Variants in PRUNE2 observed in about 807,000 individuals in gnomAD.
The protein encoded by PRUNE2 is prune homolog 2 with BCH domain, also known as protein prune homolog 2.
Under a neutral mutation model 252.0 loss-of-function variants are expected in PRUNE2, and 164 were observed. The observed-to-expected ratio is 0.65, with a 90% CI of 0.57 to 0.74. The LOEUF (loss-of-function observed/expected upper bound fraction) is 0.74. PRUNE2 is among the 30% of genes least tolerant of loss of function. PRUNE2 has a pLI of 0.00. For missense variants in PRUNE2, 3,495 were observed against 3,711.0 expected (o/e 0.94, Z 1.51); for synonymous variants, 1,292 against 1,350.2 (o/e 0.96, Z 0.94).
intron 4 of PRUNE2, among the ~76,000 whole-genome samples, chr9:76,833,704 G>C (rs1039695931): frequency 6.6e-6 from 1 of 151,488 alleles, no homozygotes; most frequent in African/African-American, 2.4e-5. Flanking sequence ...GGCGGAGCTT[G>C]CAGTGAGCCG....
At chr9:76,894,716 G>GAAAAAAAAAAAAAAAAAAAAAAAAAAAA (rs1170899729) in intron 1 of PRUNE2, among the ~76,000 whole-genome samples, 1 of 110,710 alleles carries the variant, frequency 9.0e-6, no homozygotes, top group African/African-American at 8.9e-5. Flanking sequence ...ATTTTCTGCA[G>GAAAAAAAAAAAAAAAAAAAAAAAAAAAA]CAAAAAAAAA....
intron 6 of PRUNE2, among the ~76,000 whole-genome samples, chr9:76,821,118 C>T (rs1186649657): frequency 1.3e-5 from 2 of 152,048 alleles, no homozygotes; most frequent in Non-Finnish European, 2.9e-5. Flanking sequence ...AAGTTGGTCA[C>T]CTAGACTACA....
At chr9:76,855,282 T>C (rs1450816161) in intron 1 of PRUNE2, among the ~76,000 whole-genome samples, 1 of 151,990 alleles carries the variant, frequency 6.6e-6, no homozygotes, top group African/African-American at 2.4e-5. Flanking sequence ...TTAACAACTT[T>C]ACGGTATGTC....
intron 4 of PRUNE2, among the ~76,000 whole-genome samples, chr9:76,843,497 T>C (rs552655114): frequency 2.1e-4 from 32 of 152,254 alleles, no homozygotes; most frequent in African/African-American, 7.5e-4. Flanking sequence ...AAAATGTGCA[T>C]CAAAGTGATG....
intron 6 of PRUNE2, among the ~76,000 whole-genome samples, chr9:76,821,468 T>C (rs2058035122): frequency 6.6e-6 from 1 of 152,164 alleles, no homozygotes; most frequent in Non-Finnish European, 1.5e-5. Context: ...GACATTAACT[T>C]GGGAATTTTT....
intron 6 of PRUNE2, among the ~76,000 whole-genome samples, chr9:76,724,224 T>C (rs1361976058): frequency 2.1e-5 from 3 of 144,358 alleles, no homozygotes; most frequent in African/African-American, 7.7e-5. Flanking sequence ...TTTGGGAGGC[T>C]GAGGCGGGCA....
chr9:76,619,255 C>T, intron 18 of PRUNE2, 85 bp downstream of exon 18: 1 of 877,926 alleles, frequency 1.1e-6, no homozygotes, highest in Non-Finnish European at 1.9e-6. Flanking sequence ...CAGGGTTTAC[C>T]CAGTCCTCAG....
intron 4 of PRUNE2, among the ~76,000 whole-genome samples, chr9:76,835,312 A>G (rs934238426): frequency 8.5e-5 from 13 of 152,098 alleles, no homozygotes; most frequent in African/African-American, 3.1e-4. Context: ...TTTCTTTTAC[A>G]TAGGATTGAT....
chr9:76,864,686 TAA>T (rs1236050459), intron 1 of PRUNE2, among the ~76,000 whole-genome samples: 1 of 152,180 alleles, frequency 6.6e-6, no homozygotes, highest in Non-Finnish European at 1.5e-5. Flanking sequence ...TATTGATTTT[TAA>T]AAAGACAAAC....
intron 6 of PRUNE2, among the ~76,000 whole-genome samples, chr9:76,795,953 T>C (rs1178354108): frequency 6.6e-6 from 1 of 152,200 alleles, no homozygotes; most frequent in African/African-American, 2.4e-5. Context: ...ATTGGGACTA[T>C]AAGACTACCG....
chr9:76,885,552 C>T (rs370682940), intron 1 of PRUNE2, among the ~76,000 whole-genome samples: 6 of 152,198 alleles, frequency 3.9e-5, no homozygotes, highest in Admixed American at 2.0e-4. Flanking sequence ...TACAGAGCAT[C>T]TACTTCCTAC....
At chr9:76,843,141 A>G (rs1031731029) in intron 4 of PRUNE2, among the ~76,000 whole-genome samples, 1 of 152,190 alleles carries the variant, frequency 6.6e-6, no homozygotes, top group African/African-American at 2.4e-5. Context: ...TATGCAGCCA[A>G]AAAAATAAAG....
intron 9 of PRUNE2, among the ~76,000 whole-genome samples, chr9:76,658,413 G>GT (rs1850058762): frequency 6.6e-6 from 1 of 152,214 alleles, no homozygotes; most frequent in Non-Finnish European, 1.5e-5. Flanking sequence ...CTGGGACAGA[G>GT]GGAAAGCTGA....
Position 76,846,537 on chromosome 9 carries a change from C to T in PRUNE2, c.486G>A (p.Glu162=), listed in dbSNP as rs73462346. Residue 162 remains glutamate (E), a synonymous_variant, in exon 4 of 19, where the codon GAG becomes GAA. Transcript: ENST00000376718. ...CACCTCTGAGGCGATGAGCCAGTTG[C>T]TCGGTGATGAGCTCAGGAGCCTCTT... ...ILQEAPELIT[E]QLAHRLRGSI... 3,221 of 1,613,822 alleles carry T rather than the reference C, an allele frequency of 2.0e-3. 51 individuals are homozygous for T. The African/African-American group carries it at 0.038, about 19-fold the overall frequency.
At chr9:76,820,272 A>C (rs969719145) in intron 6 of PRUNE2, among the ~76,000 whole-genome samples, 9 of 152,214 alleles carry the variant, frequency 5.9e-5, no homozygotes, top group African/African-American at 2.2e-4. Context: ...TATTGTAATT[A>C]CTTGCTTTTT....
rs554338899 is a variant in PRUNE2, at chr9:76,733,921, A to C, written c.757-20200T>G. Among the ~76,000 whole-genome samples, 820 of 148,584 alleles carry C rather than the reference A, an allele frequency of 5.5e-3. 10 individuals are homozygous for C. The highest frequency in any genetic ancestry group is 0.019 in the African/African-American group (763 of 40,970). On this transcript the variant is annotated intron_variant, in intron 6 of 18. Transcript: ENST00000376718. ...AAGCAGTCTGTTCCTTAAAAGTTTT[A>C]GTTGTTTTTTTTTTTTCTTTGAAAG...
At chr9:76,826,351 T>C (rs2058344642) in intron 5 of PRUNE2, among the ~76,000 whole-genome samples, 1 of 152,180 alleles carries the variant, frequency 6.6e-6, no homozygotes, top group Non-Finnish European at 1.5e-5. Context: ...GGTGCATGCC[T>C]GTAATCCCAG....
chr9:76,769,557 C>T (rs1376801697), intron 6 of PRUNE2, among the ~76,000 whole-genome samples: 1 of 152,142 alleles, frequency 6.6e-6, no homozygotes, highest in Non-Finnish European at 1.5e-5. Context: ...TCCCAAGTAG[C>T]TGGGATTACA....
At chr9:76,868,418 A>G (rs1357773923) in intron 1 of PRUNE2, among the ~76,000 whole-genome samples, 1 of 152,202 alleles carries the variant, frequency 6.6e-6, no homozygotes, top group Non-Finnish European at 1.5e-5. Context: ...GTGTCCACAC[A>G]TACACTCAGG....
Sources: allele counts gnomAD v4.1 joint callset (sites outside exome capture counted in the v4.1 genomes callset), GRCh38; gene constraint gnomAD v4.1.1; transcripts MANE v1.5; gene names NCBI Gene and HGNC (gene_info 2026-07-23, HGNC 2026-07-21).